The following RNF130 variants were observed in gnomAD, a reference collection of about 807,000 sequenced individuals.
RNF130 encodes E3 ubiquitin-protein ligase RNF130.
Under a neutral mutation model 44.6 loss-of-function variants are expected in RNF130, and 21 were observed. The ratio of observed to expected loss-of-function variants is 0.47; its 90% CI spans 0.33 to 0.68. The LOEUF is 0.68. Among genes scored for constraint, RNF130 ranks in the 30% least tolerant of loss-of-function variants. The pLI is 0.02. For synonymous variants in RNF130, 214 were observed against 210.4 expected (o/e 1.02, Z -0.15); for missense variants, 479 against 560.6 (o/e 0.85, Z 1.47).
At chr5:179,998,859 T>TTATATATATATATATATATATA (rs61232613) in intron 3 of RNF130, among the ~76,000 whole-genome samples, 12 of 88,746 alleles carry the variant, frequency 1.4e-4, no homozygotes, top group Admixed American at 3.5e-4. Flanking sequence ...CTAGTATTTT[T>TTATATATATATATATATATATA]TATATATATA....
intron 2 of RNF130, among the ~76,000 whole-genome samples, chr5:180,029,824 G>A (rs939442201): frequency 1.0e-4 from 15 of 150,314 alleles, no homozygotes; most frequent in Non-Finnish European, 2.2e-4. Flanking sequence ...TACAGGTGTG[G>A]GTCACCATGC....
rs766812016 is a variant in RNF130 at position 179,967,059 on chromosome 5, TTCATA to T, written c.946-54_946-50del. ...AATAATTGTAAGGAAAACACAACCT[TTCATA>T]AGATTCTAAAAAAGATTCTAAACTT... On this transcript the variant is annotated intron_variant, in intron 6 of 8. Transcript: ENST00000521389. 2.0e-6 allele frequency: 3 copies of T among 1,502,504 alleles called. No homozygotes were observed. In the Admixed American group the frequency reaches 5.3e-5, roughly 26 times the overall value. The allele number at this position is 1,502,504 out of a possible 1,614,324, so 93.1% of individuals were successfully genotyped here.
At position 179,926,137 on chromosome 5, in the gene RNF130, T is replaced by C. The variant is rs561308215; in HGVS notation, c.1151-5711A>G. ...GGGGTTGACCAATTCCATCCTGTCT[T>C]TGTTCTACCTCTGATAAATGGGTTT... On this transcript the variant is annotated intron_variant, in intron 7 of 7. Transcript: ENST00000522208. Among the ~76,000 whole-genome samples, 177 of 152,296 alleles carry C rather than the reference T, an allele frequency of 1.2e-3. 1 individual carries two copies. The highest frequency in any genetic ancestry group is 4.0e-3 in the African/African-American group (168 of 41,564).
chr5:180,065,404 A>T (rs1264975932), intron 1 of RNF130, among the ~76,000 whole-genome samples: 2 of 152,164 alleles, frequency 1.3e-5, no homozygotes, highest in Non-Finnish European at 2.9e-5. Context: ...GTAACACTCC[A>T]CTGAGTGGAT....
intron 3 of RNF130, among the ~76,000 whole-genome samples, chr5:180,000,060 G>C (rs413344): frequency 0.021 from 3,156 of 152,166 alleles, 44 homozygotes; most frequent in South Asian, 0.045. Context: ...TGTTTTCCTG[G>C]TAGTGAATAC....
intron 7 of RNF130, chr5:179,940,005 A>G: frequency 4.5e-6 from 1 of 221,544 alleles, no homozygotes; most frequent in South Asian, 6.7e-5. Context: ...TCCACTGCTC[A>G]TCTGAATTTT....
chr5:179,943,138 T>C (rs924437988), intron 7 of RNF130, among the ~76,000 whole-genome samples: 2 of 152,176 alleles, frequency 1.3e-5, no homozygotes, highest in Non-Finnish European at 2.9e-5. Context: ...GAGGTTGCAG[T>C]GAGCTGAGAT....
At chr5:179,975,593 G>A (rs1432173508) in intron 5 of RNF130, among the ~76,000 whole-genome samples, 4 of 152,194 alleles carry the variant, frequency 2.6e-5, no homozygotes, top group African/African-American at 7.2e-5. Context: ...GCTGTGTGGT[G>A]CAGTCTCAGG....
chr5:180,066,747 A>AAT (rs1161867364), intron 1 of RNF130, among the ~76,000 whole-genome samples: 18 of 152,208 alleles, frequency 1.2e-4, no homozygotes, highest in African/African-American at 4.3e-4. Context: ...TGAGGCAGGA[A>AAT]GGCGGAACCC....
chr5:179,946,692 T>C lies in RNF130; in HGVS notation c.1150+20114A>G, dbSNP rs1171210804. On this transcript the variant is annotated intron_variant, in intron 7 of 7. Coordinates refer to the RNF130 transcript ENST00000522208. ...CCTCAGCCTCCCGAGTAGCTGGGAC[T>C]ACAGGCGCCCGCCACCACGCCCGGC... is the stretch of plus-strand genomic sequence containing the variant. Among the ~76,000 whole-genome samples the C allele has an allele frequency of 5.9e-5, 9 of 152,066 alleles. 1 individual carries two copies. Among genetic ancestry groups the C allele is most frequent in the Non-Finnish European group, 1.2e-4 (8 of 68,010 alleles).
chr5:179,989,672 C>G (rs1763034544), intron 3 of RNF130, among the ~76,000 whole-genome samples: 1 of 152,148 alleles, frequency 6.6e-6, no homozygotes, highest in South Asian at 2.1e-4. Flanking sequence ...TTAAAAAAAT[C>G]TATTCAGTCA....
chr5:180,055,633 A>G (rs1464032649), intron 1 of RNF130, among the ~76,000 whole-genome samples: 1 of 152,202 alleles, frequency 6.6e-6, no homozygotes, highest in African/African-American at 2.4e-5. Context: ...ATAGCCATAC[A>G]CTACTCAGTT....
intron 3 of RNF130, among the ~76,000 whole-genome samples, chr5:179,996,454 G>C (rs1763198402): frequency 6.6e-6 from 1 of 152,176 alleles, no homozygotes; most frequent in African/African-American, 2.4e-5. Flanking sequence ...TTGGTTGTGG[G>C]TAAGTCATAT....
rs746529971 is a variant in RNF130 at position 179,955,149 on chromosome 5, A to C, written c.*505T>G. 42 of 152,990 alleles carry C rather than the reference A, an allele frequency of 2.7e-4. No homozygotes were observed. Among genetic ancestry groups the C allele is most frequent in the Non-Finnish European group, 5.0e-4 (34 of 68,616 alleles). 9.5% of individuals were successfully genotyped at this position (152,990 alleles called of 1,614,324 possible). A position where few individuals can be genotyped will look rare whatever the true frequency, so the allele number is the denominator to read the frequency against. On this transcript the variant is annotated 3_prime_UTR_variant, in exon 9 of 9. Coordinates refer to ENST00000521389, the MANE Select transcript of RNF130 (RefSeq NM_018434.6). The stretch of plus-strand genomic sequence containing the variant: ...AGGGGCACAGTGGGGAGCAAATGTT[A>C]CAAGTCCCTGCTGCTGGGGGTGCTG...
chr5:180,045,759 A>T (rs1764550030), intron 1 of RNF130, among the ~76,000 whole-genome samples: 1 of 152,184 alleles, frequency 6.6e-6, no homozygotes. Context: ...CCAGCTAGGC[A>T]CAAAAGTTCT....
chr5:179,952,725 T>C (rs556774291), downstream of RNF130, among the ~76,000 whole-genome samples: 1 of 152,184 alleles, frequency 6.6e-6, no homozygotes, highest in African/African-American at 2.4e-5. Context: ...TAGGATAGAA[T>C]AGAATAAAGG....
Position 179,955,645 on chromosome 5 carries a change from T to C in RNF130, c.*9A>G. On this transcript the variant is annotated 3_prime_UTR_variant, in exon 9 of 9. Transcript: ENST00000521389. ...GGCAAAATCAGTCAGAAAGCAGGTTTTTTCTTCTTCAAAACCATTCTACCC... is the reference window on the plus strand; with the variant it reads ...GGCAAAATCAGTCAGAAAGCAGGTTCTTTCTTCTTCAAAACCATTCTACCC... The C allele has an allele frequency of 6.3e-7, 1 of 1,586,458 alleles. No homozygotes were observed. The highest frequency in any genetic ancestry group is 8.6e-7 in the Non-Finnish European group (1 of 1,167,398).
At chr5:180,034,841 T>C (rs1426345934) in intron 2 of RNF130, among the ~76,000 whole-genome samples, 1 of 152,230 alleles carries the variant, frequency 6.6e-6, no homozygotes, top group Non-Finnish European at 1.5e-5. Flanking sequence ...CAGACATAGT[T>C]ACCATAAAGT....
intron 2 of RNF130, among the ~76,000 whole-genome samples, chr5:180,020,375 C>T (rs1224576236): frequency 1.3e-5 from 2 of 152,180 alleles, no homozygotes; most frequent in Non-Finnish European, 1.5e-5. Flanking sequence ...AGTCTCCCCA[C>T]GTGGAAGTGA....
Sources: allele counts gnomAD v4.1 joint callset (sites outside exome capture counted in the v4.1 genomes callset), GRCh38; gene constraint gnomAD v4.1.1; transcripts MANE v1.5; gene names NCBI Gene and HGNC (gene_info 2026-07-23, HGNC 2026-07-21).